NUP107: variants seen among roughly 807,000 people sequenced by gnomAD.
NUP107 encodes the protein nucleoporin 107.
Under a neutral mutation model 141.0 loss-of-function variants are expected in NUP107, and 101 were observed. The observed-to-expected ratio is 0.72, with a 90% CI of 0.61 to 0.84. NUP107 has a LOEUF of 0.84. Ranked by LOEUF, NUP107 falls within the 40% of genes least tolerant of loss-of-function variation. The pLI is 0.00. For synonymous variants in NUP107, 319 were observed against 363.9 expected, an observed-to-expected ratio of 0.88 and a Z score of 1.41; for missense variants, 941 against 1,102.7, an observed-to-expected ratio of 0.85 and a Z score of 2.08.
chr12:68,723,596 C>T (rs1877440316), intron 17 of NUP107, among the ~76,000 whole-genome samples: 1 of 149,052 alleles, frequency 6.7e-6, no homozygotes, highest in South Asian at 2.1e-4. Context: ...AACTCTGTCT[C>T]AAAAAAAAAG....
At chr12:68,702,364 A>G (rs940197142) in intron 7 of NUP107, among the ~76,000 whole-genome samples, 1 of 152,108 alleles carries the variant, frequency 6.6e-6, no homozygotes, top group Non-Finnish European at 1.5e-5. Flanking sequence ...ACCTCAGGTG[A>G]TCCACCCACC....
Position 68,736,583 on chromosome 12 carries a change from TTTTG to T in NUP107, c.2502+1251_2502+1254del, listed in dbSNP as rs199530439. On this transcript the variant is annotated intron_variant, in intron 26 of 27. Transcript: ENST00000229179. The stretch of plus-strand genomic sequence containing the variant: ...AAGCACACACCACCATGCCTGGCTT[TTTTG>T]TTTGTTTGTTTTTGACACAGGATCT... Among the ~76,000 whole-genome samples, 1,378 of 151,854 alleles carry T rather than the reference TTTTG, an allele frequency of 9.1e-3. 17 individuals are homozygous for T. The highest frequency in any genetic ancestry group is 0.026 in the African/African-American group (1,071 of 41,398).
rs199553212 is a variant in NUP107 at position 68,732,700 on chromosome 12, G to A, written c.2062G>A (p.Ala688Thr). Reference protein sequence around the residue: ...LVFDPAQRAEALKQGNAIMRK... With the variant: ...LVFDPAQRAETLKQGNAIMRK... Reference sequence around the variant, plus strand: ...ATTTGACCCAGCGCAGAGGGCAGAAGCACTGAAACAAGGCAATGCAATTAT... The same window carrying A: ...ATTTGACCCAGCGCAGAGGGCAGAAACACTGAAACAAGGCAATGCAATTAT... The change falls in exon 23 of 28, where the codon GCA becomes ACA. Residue 688 changes from alanine to threonine, a missense_variant. Physicochemically the swap from Ala to Thr is moderately conservative, Grantham distance 58. Transcript: ENST00000229179. The A allele has an allele frequency of 5.6e-6, 9 of 1,609,088 alleles. No homozygotes were observed. The highest frequency in any genetic ancestry group is 1.7e-5 in the Admixed American group (1 of 59,944).
In NUP107 at chr12:68,727,379, C is replaced by T. The variant is rs767442851; in HGVS notation, c.1724C>T (p.Thr575Ile). Reference protein sequence around the residue: ...KEEVSIEVLKTYIQLLIREKH... With the variant: ...KEEVSIEVLKIYIQLLIREKH... ...GAAGTTTCTATTGAAGTTTTAAAGA[C>T]ATACATACAGGTAAACTTTGAGAAC... Residue 575 changes from threonine (T) to isoleucine (I), a missense_variant, in exon 20 of 28, where the codon ACA becomes ATA. Transcript: ENST00000229179. 4.7e-6 allele frequency: 7 copies of T among 1,503,798 alleles called. No homozygotes were observed. In the East Asian group the frequency reaches 1.1e-4, roughly 24 times the overall value. The allele number at this position is 1,503,798 out of a possible 1,614,324, so 93.2% of individuals were successfully genotyped here.
intron 7 of NUP107, 107 bp from the exon 8 acceptor site, chr12:68,702,629 T>A (rs1196002645): frequency 4.2e-6 from 3 of 714,048 alleles, no homozygotes; most frequent in Non-Finnish European, 7.1e-6. Flanking sequence ...TAATAAAAAA[T>A]TTTTAAAAAG....
chr12:68,731,373 G>A, intron 21 of NUP107, 113 bp downstream of exon 21: 1 of 1,100,974 alleles, frequency 9.1e-7, no homozygotes, highest in South Asian at 2.3e-5. Flanking sequence ...GGGGAAAAGA[G>A]GAATAAAATT....
intron 8 of NUP107, chr12:68,707,050 G>A (rs911313782): frequency 3.4e-6 from 2 of 592,554 alleles, no homozygotes; most frequent in Non-Finnish European, 3.0e-6. Flanking sequence ...TGTCTGAGTC[G>A]TCTGATGTAC....
chr12:68,691,603 G>T (rs181534394), intron 4 of NUP107, among the ~76,000 whole-genome samples: 1 of 152,154 alleles, frequency 6.6e-6, no homozygotes, highest in Non-Finnish European at 1.5e-5. Flanking sequence ...GGAGGCTGAG[G>T]CAGGTGGATC....
At position 68,728,053 on chromosome 12, in the gene NUP107, C is replaced by T. The variant is rs549113740; in HGVS notation, c.1734+664C>T. ...ATCCCAACACTTTGGGAGGCAGAGG[C>T]GAGAGGACTGCTTGAGTCCAGACGT... On this transcript the variant is annotated intron_variant, in intron 20 of 27. Transcript: ENST00000229179. Among the ~76,000 whole-genome samples the T allele has an allele frequency of 6.5e-4, 99 of 152,140 alleles. 1 individual carries two copies. The highest frequency in any genetic ancestry group is 2.2e-3 in the African/African-American group (92 of 41,524).
intron 17 of NUP107, among the ~76,000 whole-genome samples, chr12:68,724,137 T>C (rs1196985914): frequency 6.6e-6 from 1 of 152,068 alleles, no homozygotes; most frequent in Admixed American, 6.6e-5. Context: ...AGACAACGTT[T>C]TTTTTTTAAA....
chr12:68,704,644 G>A (rs146879217), intron 8 of NUP107, among the ~76,000 whole-genome samples: 2,357 of 151,862 alleles, frequency 0.016, 31 homozygotes, highest in Middle Eastern at 0.034. Context: ...AGTAGAGACA[G>A]GGTTTTAACC....
intron 6 of NUP107, among the ~76,000 whole-genome samples, chr12:68,697,694 G>A (rs1035309254): frequency 3.3e-5 from 5 of 152,014 alleles, no homozygotes; most frequent in African/African-American, 4.8e-5. Context: ...ATGGGAACAG[G>A]CACCTCACCA....
At position 68,745,001 on chromosome 12, in the gene NUP107, T is replaced by G. The variant is rs983885577; in HGVS notation, c.*2539T>G. On this transcript the variant is annotated 3_prime_UTR_variant, in exon 28 of 28. Coordinates refer to ENST00000229179, the MANE Select transcript of NUP107 (RefSeq NM_020401.4). ...ACTTATGCCAAGGAATTATGAAGAC[T>G]TTTTCCTTGAGCATTGCATGAAGGC... is the stretch of plus-strand genomic sequence containing the variant. 5 of 152,260 alleles carry G rather than the reference T, an allele frequency of 3.3e-5. No homozygotes were observed. Among genetic ancestry groups the G allele is most frequent in the African/African-American group, 1.2e-4 (5 of 41,468 alleles). The allele number at this position is 152,260 out of a possible 1,614,324, so 9.4% of individuals were successfully genotyped here. A position where few individuals can be genotyped will look rare whatever the true frequency, so the allele number is the denominator to read the frequency against.
rs1486863766 is a variant in NUP107 at position 68,731,680 on chromosome 12, T to C, written c.1959T>C (p.His653=). 6.3e-7 allele frequency: 1 copy of C among 1,588,106 alleles called. No homozygotes were observed. The highest frequency in any genetic ancestry group is 1.9e-5 in the Admixed American group (1 of 52,644). Residue 653 remains histidine (H), a synonymous_variant, in exon 22 of 28, where the codon CAT becomes CAC. Coordinates refer to ENST00000229179, the MANE Select transcript of NUP107 (RefSeq NM_020401.4). Reference sequence around the variant, plus strand: ...AGAAAGATAATGGTGAATTTAGTCATCATGACCTGGCCCCAGCCCTAGATA... The same window carrying C: ...AGAAAGATAATGGTGAATTTAGTCACCATGACCTGGCCCCAGCCCTAGATA... ...IRKKDNGEFS[H]HDLAPALDTG...
At chr12:68,706,906 G>GGGCCTCATAAGCCCT in intron 8 of NUP107, 1 of 732,736 alleles carries the variant, frequency 1.4e-6, no homozygotes, top group Non-Finnish European at 2.5e-6. Flanking sequence ...CGGCCTATGG[G>GGGCCTCATAAGCCCT]GGCCTCATAA....
intron 12 of NUP107, among the ~76,000 whole-genome samples, chr12:68,716,329 C>T (rs556760952): frequency 2.6e-4 from 39 of 151,542 alleles, no homozygotes; most frequent in Non-Finnish European, 2.5e-4. Context: ...CCTTACCTCC[C>T]GGGCTCAAGC....
At chr12:68,736,771 G>A (rs1036317692) in intron 26 of NUP107, among the ~76,000 whole-genome samples, 2 of 141,818 alleles carry the variant, frequency 1.4e-5, no homozygotes, top group African/African-American at 5.3e-5. Context: ...CGCCCAGGCT[G>A]GAGTGCAATG....
At position 68,715,620 on chromosome 12, in the gene NUP107, C is replaced by CT; in HGVS notation, c.970-5dup. On this transcript the variant is annotated splice_polypyrimidine_tract_variant and splice_region_variant and intron_variant, in intron 11 of 27. Transcript: ENST00000229179. ...TGGTTGATGATGACTTTTTTTTCTTCTTACAGGACCCTGATGCTCCCATAA... is the reference window on the plus strand; with the variant it reads ...TGGTTGATGATGACTTTTTTTTCTTCTTTACAGGACCCTGATGCTCCCATAA... The CT allele has an allele frequency of 1.9e-6, 3 of 1,549,368 alleles. No homozygotes were observed. Among genetic ancestry groups the CT allele is most frequent in the Non-Finnish European group, 2.7e-6 (3 of 1,127,218 alleles).
chr12:68,692,574 G>A (rs113594824), intron 5 of NUP107, among the ~76,000 whole-genome samples: 29,652 of 141,432 alleles, frequency 0.21, 3,699 homozygotes, highest in South Asian at 0.46. Context: ...GCAAGACTCC[G>A]TCTAAAAAAA....
Sources: gnomAD v4.1 joint callset for allele counts (sites outside exome capture counted in the v4.1 genomes callset) on GRCh38, gnomAD v4.1.1 for gene constraint, MANE v1.5 for transcripts, NCBI Gene and HGNC (gene_info 2026-07-23, HGNC 2026-07-21) for gene names.